The following SNX13 variants were observed in gnomAD, a reference collection of about 807,000 sequenced individuals.
SNX13 encodes sorting nexin-13.
In SNX13, 45 loss-of-function variants were observed where a neutral mutation model predicts 133.6. The observed-to-expected ratio is 0.34, with a 90% CI of 0.27 to 0.43. The LOEUF is 0.43. SNX13 is among the 20% of genes least tolerant of loss of function. SNX13 has a pLI of 1.00. For missense variants in SNX13, 1,032 were observed against 1,145.1 expected, an observed-to-expected ratio of 0.90 and a Z score of 1.43; for synonymous variants, 414 against 373.9, an observed-to-expected ratio of 1.11 and a Z score of -1.24.
In SNX13 at chr7:17,920,466, TA is replaced by T. The variant is rs372976038; in HGVS notation, c.12+19817del. ...AAAGCCTACACATACACTGTACTTT[TA>T]AAAGCTTTCTTTAATTGTAAAAGAA... On this transcript the variant is annotated intron_variant, in intron 1 of 25. Coordinates refer to ENST00000428135, the MANE Select transcript of SNX13 (RefSeq NM_015132.5). Among the ~76,000 whole-genome samples the T allele has an allele frequency of 1.6e-4, 24 of 152,354 alleles. 2 individuals are homozygous for T. The highest frequency in any genetic ancestry group is 5.8e-4 in the African/African-American group (24 of 41,592).
intron 1 of SNX13, among the ~76,000 whole-genome samples, chr7:17,932,049 A>C (rs980868318): frequency 4.9e-4 from 75 of 152,206 alleles, no homozygotes; most frequent in African/African-American, 1.4e-3. Flanking sequence ...CAAACTTTCA[A>C]GATAGCATCA....
intron 1 of SNX13, among the ~76,000 whole-genome samples, chr7:17,901,691 G>A (rs1466465917): frequency 6.6e-6 from 1 of 152,192 alleles, no homozygotes; most frequent in African/African-American, 2.4e-5. Context: ...GATGAGGGAG[G>A]GGTGGCATTG....
At position 17,794,085 on chromosome 7, in the gene SNX13, T is replaced by G; in HGVS notation, c.2834A>C (p.Lys945Thr). 6.2e-7 allele frequency: 1 copy of G among 1,611,640 alleles called. No individual in the cohort carries two copies. The highest frequency in any genetic ancestry group is 8.5e-7 in the Non-Finnish European group (1 of 1,178,312). Residue 945 changes from lysine to threonine, a missense_variant, in exon 26 of 26, where the codon AAA becomes ACA. By Grantham distance (78) the Lys-to-Thr change is moderately conservative (BLOSUM62 -1). Transcript: ENST00000428135. ...AGAAGGCGCTTGAGTAGTTTGAAGT[T>G]TCTGTTTATATTTCTGCATCTGCTT... ...RSKQMQKYKQ[K>T]LQTTQAPSLQ...
chr7:17,900,782 A>G (rs1055512321), intron 1 of SNX13, among the ~76,000 whole-genome samples: 2 of 152,140 alleles, frequency 1.3e-5, no homozygotes, highest in Non-Finnish European at 2.9e-5. Context: ...GGACCCCAAG[A>G]GCCCACTTGG....
Position 17,930,334 on chromosome 7 carries a change from T to C in SNX13, c.12+9950A>G, listed in dbSNP as rs190993317. On this transcript the variant is annotated intron_variant, in intron 1 of 25. Coordinates refer to ENST00000428135, the MANE Select transcript of SNX13 (RefSeq NM_015132.5). ...GAGAAAACTTAGATTCAAATCCAAA[T>C]AATCTGACACCAGCCATCACTCTTA... Among the ~76,000 whole-genome samples the C allele has an allele frequency of 7.2e-5, 11 of 152,270 alleles. No homozygotes were observed. In the East Asian group the frequency reaches 2.1e-3, roughly 29 times the overall value.
intron 1 of SNX13, among the ~76,000 whole-genome samples, chr7:17,938,663 A>C (rs1427170411): frequency 1.3e-5 from 2 of 152,238 alleles, no homozygotes; most frequent in African/African-American, 4.8e-5. Flanking sequence ...ATTGCATTAA[A>C]ATACAGAAGC....
chr7:17,913,683 C>T (rs991095812), intron 1 of SNX13, among the ~76,000 whole-genome samples: 8 of 148,486 alleles, frequency 5.4e-5, no homozygotes, highest in African/African-American at 2.0e-4. Context: ...AAGCAACATA[C>T]GTCAGTCATA....
intron 20 of SNX13, among the ~76,000 whole-genome samples, chr7:17,804,804 A>G (rs751608809): frequency 1.7e-4 from 26 of 152,170 alleles, no homozygotes; most frequent in Non-Finnish European, 3.5e-4. Context: ...ATGCAAAAAC[A>G]AAAAAATGAA....
chr7:17,869,893 C>G (rs1039401570), intron 8 of SNX13, among the ~76,000 whole-genome samples: 5 of 151,972 alleles, frequency 3.3e-5, no homozygotes, highest in African/African-American at 1.2e-4. Context: ...CACACACACA[C>G]ACACACACAC....
intron 20 of SNX13, among the ~76,000 whole-genome samples, chr7:17,810,815 T>G (rs1785912514): frequency 6.6e-6 from 1 of 152,134 alleles, no homozygotes; most frequent in Non-Finnish European, 1.5e-5. Flanking sequence ...ACAATCAAGT[T>G]GGCTTCATCC....
intron 19 of SNX13, 21 bp from the exon 20 acceptor site, chr7:17,814,965 A>AAAAGAAG: frequency 7.1e-7 from 1 of 1,399,140 alleles, no homozygotes; most frequent in Non-Finnish European, 9.2e-7. Flanking sequence ...AAAAAAAAAA[A>AAAAGAAG]AGAAGAGATT....
At chr7:17,835,592 CT>C (rs1194509250) in intron 13 of SNX13, among the ~76,000 whole-genome samples, 1 of 151,916 alleles carries the variant, frequency 6.6e-6, no homozygotes, top group African/African-American at 2.4e-5. Flanking sequence ...AGCACATCAA[CT>C]TTTGCATTTT....
In SNX13 at chr7:17,793,960, C is replaced by T; in HGVS notation, c.*85G>A. On this transcript the variant is annotated 3_prime_UTR_variant, in exon 26 of 26. Transcript: ENST00000428135. ...AGACACTAAAAGACTGGTGCAGACACAACAGTATTTGAGTTAAGCCCCAGA... is the reference window on the plus strand; with the variant it reads ...AGACACTAAAAGACTGGTGCAGACATAACAGTATTTGAGTTAAGCCCCAGA... The T allele has an allele frequency of 6.9e-7, 1 of 1,449,456 alleles. No homozygotes were observed. Among genetic ancestry groups the T allele is most frequent in the Non-Finnish European group, 9.4e-7 (1 of 1,067,740 alleles). The allele number at this position is 1,449,456 out of a possible 1,614,324, so 89.8% of individuals were successfully genotyped here.
chr7:17,815,013 T>C, intron 19 of SNX13, 69 bp from the exon 20 acceptor site: 1 of 1,334,514 alleles, frequency 7.5e-7, no homozygotes, highest in Non-Finnish European at 9.6e-7. Context: ...TACCATTGTT[T>C]ATAATTTTAG....
At chr7:17,892,221 T>TA (rs1796701681) in intron 3 of SNX13, among the ~76,000 whole-genome samples, 1 of 152,036 alleles carries the variant, frequency 6.6e-6, no homozygotes, top group Admixed American at 6.6e-5. Flanking sequence ...ATATTAAAAA[T>TA]ACATGCTTCA....
intron 1 of SNX13, among the ~76,000 whole-genome samples, chr7:17,920,721 TTTGA>T (rs1365367011): frequency 2.0e-5 from 3 of 152,206 alleles, no homozygotes; most frequent in Admixed American, 2.0e-4. Context: ...TGAATTTCAC[TTTGA>T]TTCTCTATGC....
intron 5 of SNX13, among the ~76,000 whole-genome samples, chr7:17,878,115 C>A (rs1373566574): frequency 6.6e-6 from 1 of 152,050 alleles, no homozygotes; most frequent in Non-Finnish European, 1.5e-5. Context: ...AATAGCCATA[C>A]TTCTACTGCA....
intron 22 of SNX13, among the ~76,000 whole-genome samples, chr7:17,801,010 A>T (rs73681814): frequency 0.29 from 1,174 of 4,094 alleles, 37 homozygotes; most frequent in African/African-American, 0.48. Context: ...AAAACTGAAC[A>T]TATATATATA....
At chr7:17,848,689 A>T (rs193274631) in intron 11 of SNX13, among the ~76,000 whole-genome samples, 1 of 152,282 alleles carries the variant, frequency 6.6e-6, no homozygotes, top group Non-Finnish European at 1.5e-5. Flanking sequence ...AGTGGGTCCG[A>T]GTGAGTGGAG....
Sources: gnomAD v4.1 joint callset for allele counts (sites outside exome capture counted in the v4.1 genomes callset) on GRCh38, gnomAD v4.1.1 for gene constraint, MANE v1.5 for transcripts, NCBI Gene and HGNC (gene_info 2026-07-23, HGNC 2026-07-21) for gene names.